Variants in DSCAM observed in about 807,000 individuals in gnomAD.
DSCAM encodes cell adhesion molecule DSCAM.
DSCAM carries 47 observed loss-of-function variants against 217.7 expected under a neutral mutation model. That is an observed-to-expected ratio of 0.22 (90% CI 0.17 to 0.28). The LOEUF is 0.28. Ranked by LOEUF, DSCAM falls within the 10% of genes least tolerant of loss-of-function variation. The pLI, the probability that DSCAM is intolerant of heterozygous loss-of-function variation, is 1.00. For synonymous variants in DSCAM, 1,056 were observed against 1,015.3 expected, an observed-to-expected ratio of 1.04 and a Z score of -0.76; for missense variants, 2,080 against 2,618.3, an observed-to-expected ratio of 0.79 and a Z score of 4.49.
intron 11 of DSCAM, among the ~76,000 whole-genome samples, chr21:40,263,400 A>C (rs2073480097): frequency 6.6e-6 from 1 of 152,214 alleles, no homozygotes; most frequent in African/African-American, 2.4e-5. Flanking sequence ...AATCAATTCC[A>C]AAAGGAACCC....
chr21:40,308,764 A>G (rs1376992391), intron 9 of DSCAM, among the ~76,000 whole-genome samples: 1 of 152,122 alleles, frequency 6.6e-6, no homozygotes, highest in Non-Finnish European at 1.5e-5. Context: ...CCAATTTTAT[A>G]GTTGGTTTGT....
intron 3 of DSCAM, among the ~76,000 whole-genome samples, chr21:40,486,399 A>G (rs1452967717): frequency 6.6e-6 from 1 of 152,068 alleles, no homozygotes; most frequent in Non-Finnish European, 1.5e-5. Flanking sequence ...AGATCCTGGC[A>G]TGGAGTATTT....
intron 15 of DSCAM, among the ~76,000 whole-genome samples, chr21:40,171,268 G>A (rs1247621862): frequency 6.6e-6 from 1 of 151,812 alleles, no homozygotes; most frequent in Non-Finnish European, 1.5e-5. Context: ...AGTAGAGATG[G>A]GGTTTCGCCA....
intron 3 of DSCAM, among the ~76,000 whole-genome samples, chr21:40,555,668 TGTCACCCAGGCTGGA>T (rs1265475284): frequency 1.3e-5 from 2 of 152,244 alleles, no homozygotes; most frequent in East Asian, 1.9e-4. Context: ...CATCTGATTC[TGTCACCCAGGCTGGA>T]GTTCATTAGT....
chr21:40,228,907 T>C (rs1350253458), intron 11 of DSCAM, among the ~76,000 whole-genome samples: 1 of 152,192 alleles, frequency 6.6e-6, no homozygotes, highest in Non-Finnish European at 1.5e-5. Flanking sequence ...CACATGTATA[T>C]ACACACATCT....
intron 3 of DSCAM, among the ~76,000 whole-genome samples, chr21:40,649,500 C>G (rs547852469): frequency 1.4e-4 from 22 of 152,338 alleles, no homozygotes; most frequent in African/African-American, 4.8e-4. Context: ...ACTTTAGCAA[C>G]ACATTATGCC....
At chr21:40,369,589 C>G (rs561970115) in intron 3 of DSCAM, among the ~76,000 whole-genome samples, 1 of 151,822 alleles carries the variant, frequency 6.6e-6, no homozygotes, top group East Asian at 1.9e-4. Flanking sequence ...TGGTATATAC[C>G]GAACACAGAA....
chr21:40,292,056 CCT>C (rs986415674), intron 10 of DSCAM, among the ~76,000 whole-genome samples: 2 of 123,312 alleles, frequency 1.6e-5, no homozygotes, highest in Non-Finnish European at 3.3e-5. Flanking sequence ...AGAATGAAGC[CCT>C]GATTTTTTTT....
intron 10 of DSCAM, among the ~76,000 whole-genome samples, chr21:40,280,776 G>C (rs1346434551): frequency 3.9e-5 from 6 of 152,130 alleles, no homozygotes; most frequent in Non-Finnish European, 8.8e-5. Context: ...TACTGGGTGA[G>C]GAGCTATGGC....
chr21:40,561,959 A>G (rs151301374), intron 3 of DSCAM, among the ~76,000 whole-genome samples: 8 of 152,358 alleles, frequency 5.3e-5, no homozygotes, highest in South Asian at 2.1e-4. Context: ...ATTATTAAAA[A>G]GTGACTTCGG....
intron 31 of DSCAM, among the ~76,000 whole-genome samples, chr21:40,043,872 GCT>G (rs1164929394): frequency 2.0e-5 from 3 of 152,226 alleles, no homozygotes; most frequent in Admixed American, 6.5e-5. Flanking sequence ...ATGCAGTTTG[GCT>G]CTGTTTTGCC....
chr21:40,642,625 C>G (rs980386019), intron 3 of DSCAM, among the ~76,000 whole-genome samples: 2 of 152,126 alleles, frequency 1.3e-5, no homozygotes, highest in Non-Finnish European at 2.9e-5. Context: ...CTCTTTCATC[C>G]AGGCTTGAGT....
chr21:40,100,759 TG>T (rs2089739977), intron 20 of DSCAM, among the ~76,000 whole-genome samples: 4 of 152,054 alleles, frequency 2.6e-5, no homozygotes, highest in African/African-American at 9.7e-5. Flanking sequence ...GAACCAAATG[TG>T]GCAAAAGGAG....
At chr21:40,027,590 T>TTCTC (rs1285968563) in intron 32 of DSCAM, among the ~76,000 whole-genome samples, 4 of 79,944 alleles carry the variant, frequency 5.0e-5, no homozygotes, top group Non-Finnish European at 2.4e-5. Context: ...TTATTCTTTT[T>TTCTC]TCTCTAAACT....
chr21:40,494,825 T>TG (rs761865200), intron 3 of DSCAM, among the ~76,000 whole-genome samples: 1 of 99,060 alleles, frequency 1.0e-5, no homozygotes, highest in Non-Finnish European at 2.4e-5. Flanking sequence ...TAAAGTTGGG[T>TG]TTTTTTTTTT....
chr21:40,666,133 G>A (rs968638541), intron 3 of DSCAM, among the ~76,000 whole-genome samples: 1 of 152,152 alleles, frequency 6.6e-6, no homozygotes, highest in African/African-American at 2.4e-5. Context: ...TCTCCAGCAT[G>A]CCAGGAAGGG....
intron 3 of DSCAM, among the ~76,000 whole-genome samples, chr21:40,592,552 G>A (rs190486121): frequency 9.2e-5 from 14 of 152,172 alleles, no homozygotes; most frequent in Admixed American, 7.8e-4. Context: ...TGTCCACTCC[G>A]AAACACCCCT....
chr21:40,846,551 C>T, intron 1 of DSCAM, 68 bp downstream of exon 1: 2 of 176,386 alleles, frequency 1.1e-5, no homozygotes, highest in Non-Finnish European at 2.2e-5. Flanking sequence ...TCCAATGCCA[C>T]CCCCCACCCC....
chr21:40,595,102 C>A (rs945081978), intron 3 of DSCAM, among the ~76,000 whole-genome samples: 2 of 152,152 alleles, frequency 1.3e-5, no homozygotes, highest in Admixed American at 1.3e-4. Flanking sequence ...CTATGCATTT[C>A]TTTCCATATC....
Sources: allele counts gnomAD v4.1 joint callset (sites outside exome capture counted in the v4.1 genomes callset), GRCh38; gene constraint gnomAD v4.1.1; transcripts MANE v1.5; gene names NCBI Gene and HGNC (gene_info 2026-07-23, HGNC 2026-07-21).